ICAM2: variants seen among roughly 807,000 people sequenced by gnomAD.
ICAM2 encodes intercellular adhesion molecule 2.
ICAM2 carries 14 observed loss-of-function variants against 19.1 expected under a neutral mutation model. The observed-to-expected ratio is 0.73, with a 90% CI of 0.48 to 1.15. The LOEUF is 1.15. ICAM2 is among the 50% of genes most tolerant of loss of function. The pLI is 0.00. For missense variants in ICAM2, 311 were observed against 355.4 expected (o/e 0.88, Z 1.00); for synonymous variants, 153 against 152.7 (o/e 1.00, Z -0.01).
In ICAM2 at chr17:64,002,700, C is replaced by G. The variant is rs1234163802; in HGVS notation, c.*47G>C. Reference sequence around the variant, plus strand: ...TGGACCTCAACCCTGAGGAGTCACACTGAGTTCCAGTGACCACCGTGGTGG... The same window carrying G: ...TGGACCTCAACCCTGAGGAGTCACAGTGAGTTCCAGTGACCACCGTGGTGG... On this transcript the variant is annotated 3_prime_UTR_variant, in exon 5 of 5. Transcript: ENST00000579788. The G allele has an allele frequency of 4.5e-6, 7 of 1,561,432 alleles. No individual in the cohort carries two copies. Among genetic ancestry groups the G allele is most frequent in the Non-Finnish European group, 6.1e-6 (7 of 1,144,774 alleles).
chr17:64,012,604 G>GA (rs944064676), intron 1 of ICAM2, among the ~76,000 whole-genome samples: 12 of 151,172 alleles, frequency 7.9e-5, no homozygotes, highest in Admixed American at 5.3e-4. Context: ...TGTTTCAAAA[G>GA]AAAAAAAAAT....
At chr17:64,014,757 G>GAA (rs1186651733) in intron 1 of ICAM2, among the ~76,000 whole-genome samples, 3 of 142,264 alleles carry the variant, frequency 2.1e-5, no homozygotes, top group Admixed American at 7.2e-5. Context: ...AAGAAAGAAA[G>GAA]AAAGAAAGAA....
intron 1 of ICAM2, among the ~76,000 whole-genome samples, chr17:64,015,153 T>C (rs1598026622): frequency 6.6e-6 from 1 of 152,180 alleles, no homozygotes; most frequent in South Asian, 2.1e-4. Context: ...ATGGATTTAG[T>C]TCTGGTTTTG....
At chr17:64,009,987 C>T (rs1032801479) in intron 1 of ICAM2, among the ~76,000 whole-genome samples, 1 of 152,156 alleles carries the variant, frequency 6.6e-6, no homozygotes, top group Admixed American at 6.5e-5. Context: ...AATGCAGTTT[C>T]CATATTCCAG....
chr17:64,014,715 AAGGAAGG>A lies in ICAM2; in HGVS notation c.-45+5801_-45+5807del, dbSNP rs1911642732. ...GAAGGAAGGAAGGAAGGAAGGAAGGAAGGAAGGAAGAAAGAAAGAAAGAAAGAAAGAA... is the reference window on the plus strand; with the variant it reads ...GAAGGAAGGAAGGAAGGAAGGAAGGAAAGAAAGAAAGAAAGAAAGAAAGAA... On this transcript the variant is annotated intron_variant, in intron 1 of 4. Transcript: ENST00000579788. 7.5e-3 allele frequency among the ~76,000 whole-genome samples: 66 copies of A among 8,770 alleles called. No homozygotes were observed. The South Asian group carries it at 0.15, about 20-fold the overall frequency. The allele number at this position is 8,770 out of a possible 152,430, so 5.8% of individuals were successfully genotyped here.
Position 64,002,774 on chromosome 17 carries a change from C to A in ICAM2, c.801G>T (p.Arg267Ser). Residue 267 changes from arginine (R) to serine (S), a missense_variant, in exon 5 of 5, where the codon AGG becomes AGT. Arg to Ser is a moderately radical substitution (Grantham distance 110). Coordinates refer to ENST00000579788, the MANE Select transcript of ICAM2 (RefSeq NM_001099789.2). ...ATGGCCGGAAGGCCTGGGGCAGCCT[C>A]CTCCAAGCCGCTCGCACCCCGTAGG... Reference protein sequence around the residue: ...MGTYGVRAAWRRLPQAFRP With the variant: ...MGTYGVRAAWSRLPQAFRP 2 of 1,612,744 alleles carry A rather than the reference C, an allele frequency of 1.2e-6. No individual in the cohort carries two copies. The highest frequency in any genetic ancestry group is 2.2e-5 in the South Asian group (2 of 91,018).
intron 3 of ICAM2, 61 bp from the exon 4 acceptor site, chr17:64,004,025 C>A: frequency 7.6e-7 from 1 of 1,317,470 alleles, no homozygotes; most frequent in East Asian, 2.5e-5. Flanking sequence ...GCAGCCTCCC[C>A]CTGGCCAGGG....
intron 1 of ICAM2, among the ~76,000 whole-genome samples, chr17:64,016,428 A>G (rs921238880): frequency 1.3e-5 from 2 of 152,080 alleles, no homozygotes; most frequent in African/African-American, 2.4e-5. Context: ...CCTACCCCCA[A>G]ACTTATACTA....
At chr17:64,007,357 G>A (rs1773185902) in intron 1 of ICAM2, among the ~76,000 whole-genome samples, 1 of 151,948 alleles carries the variant, frequency 6.6e-6, no homozygotes, top group African/African-American at 2.4e-5. Context: ...CTGCCTCCCA[G>A]ATTCAAGCAA....
At chr17:64,005,707 G>A (rs568507719) in intron 2 of ICAM2, among the ~76,000 whole-genome samples, 1 of 152,266 alleles carries the variant, frequency 6.6e-6, no homozygotes, top group South Asian at 2.1e-4. Flanking sequence ...ATCCGACTCA[G>A]TCTTTAAGGT....
intron 1 of ICAM2, among the ~76,000 whole-genome samples, chr17:64,014,752 A>G (rs1449504323): frequency 7.1e-6 from 1 of 141,642 alleles, no homozygotes; most frequent in African/African-American, 2.5e-5. Flanking sequence ...AAAGAAAGAA[A>G]GAAAGAAAGA....
intron 1 of ICAM2, among the ~76,000 whole-genome samples, chr17:64,009,510 C>G (rs997353396): frequency 6.6e-6 from 1 of 152,128 alleles, no homozygotes; most frequent in Non-Finnish European, 1.5e-5. Flanking sequence ...TGCAGTGATG[C>G]AATCTCAGCT....
In ICAM2 at chr17:64,005,119, C is replaced by T. The variant is rs1007934102; in HGVS notation, c.316G>A (p.Val106Ile). ...SGKQESMNSN[V>I]SVYQPPRQVI... ...CACAGCCACTCACGGTACACGCTGACGTTGGAATTCATTGACTCCTGCTTC... is the reference window on the plus strand; with the variant it reads ...CACAGCCACTCACGGTACACGCTGATGTTGGAATTCATTGACTCCTGCTTC... Residue 106 changes from valine to isoleucine, a missense_variant, in exon 3 of 5, where the codon GTC (valine) becomes ATC (isoleucine). By Grantham distance (29) the Val-to-Ile change is conservative. Transcript: ENST00000579788. 19 of 1,613,976 alleles carry T rather than the reference C, an allele frequency of 1.2e-5. No individual in the cohort carries two copies. Among genetic ancestry groups the T allele is most frequent in the South Asian group, 7.7e-5 (7 of 91,080 alleles).
At chr17:64,018,090 T>C (rs1237362725) in intron 1 of ICAM2, among the ~76,000 whole-genome samples, 1 of 151,942 alleles carries the variant, frequency 6.6e-6, no homozygotes, top group Non-Finnish European at 1.5e-5. Flanking sequence ...CGCCAGCACT[T>C]TGGGAGGCCG....
chr17:64,009,303 G>GTTT (rs57585786), intron 1 of ICAM2, among the ~76,000 whole-genome samples: 6 of 140,264 alleles, frequency 4.3e-5, no homozygotes, highest in East Asian at 4.1e-4. Flanking sequence ...AGCATTTACT[G>GTTT]TTTTTTTTTT....
rs1911700489 is a variant in ICAM2 at position 64,015,836 on chromosome 17, C to T, written c.-45+4687G>A. On this transcript the variant is annotated intron_variant, in intron 1 of 4. Coordinates refer to ENST00000579788, the MANE Select transcript of ICAM2 (RefSeq NM_001099789.2). ...AGGTCTAGATGGTTTTGCAGAAGTT[C>T]AAGTAAGGGTAACTCTTTAAAAAAA... 2.0e-5 allele frequency among the ~76,000 whole-genome samples: 3 copies of T among 150,252 alleles called. No homozygotes were observed. In the South Asian group the frequency reaches 6.3e-4, roughly 32 times the overall value.
chr17:64,017,327 A>C (rs72846781), intron 1 of ICAM2, among the ~76,000 whole-genome samples: 1 of 152,370 alleles, frequency 6.6e-6, no homozygotes, highest in Non-Finnish European at 1.5e-5. Context: ...ACATACAAAA[A>C]CATAATTTAA....
At chr17:64,015,727 G>A (rs1388815050) in intron 1 of ICAM2, among the ~76,000 whole-genome samples, 1 of 152,024 alleles carries the variant, frequency 6.6e-6, no homozygotes, top group East Asian at 1.9e-4. Flanking sequence ...GTAACAAAGT[G>A]AGACCATGTC....
chr17:64,014,759 A>T, intron 1 of ICAM2, among the ~76,000 whole-genome samples: 1 of 136,506 alleles, frequency 7.3e-6, no homozygotes, highest in Non-Finnish European at 1.7e-5. Context: ...GAAAGAAAGA[A>T]AGAAAGAAAA....
Sources: gnomAD v4.1 joint callset for allele counts (sites outside exome capture counted in the v4.1 genomes callset) on GRCh38, gnomAD v4.1.1 for gene constraint, MANE v1.5 for transcripts, NCBI Gene and HGNC (gene_info 2026-07-23, HGNC 2026-07-21) for gene names.